The following ST6GALNAC4 variants were observed in gnomAD, a reference collection of about 807,000 sequenced individuals.
ST6GALNAC4 encodes the protein ST6 N-acetylgalactosaminide alpha-2,6-sialyltransferase 4.
In ST6GALNAC4, 24 loss-of-function variants were observed where a neutral mutation model predicts 30.4. The observed-to-expected ratio is 0.79, with a 90% CI of 0.57 to 1.11. The LOEUF (loss-of-function observed/expected upper bound fraction) is 1.11. Ranked by LOEUF, ST6GALNAC4 falls within the 50% of genes most tolerant of loss-of-function variation. ST6GALNAC4 has a pLI of 0.00. For synonymous variants in ST6GALNAC4, 156 were observed against 179.7 expected, an observed-to-expected ratio of 0.87 and a Z score of 1.05; for missense variants, 365 against 430.1, an observed-to-expected ratio of 0.85 and a Z score of 1.34.
At chr9:127,916,332 G>C (rs914168291) in intron 2 of ST6GALNAC4, 76 bp downstream of exon 2, 37 of 1,595,040 alleles carry the variant, frequency 2.3e-5, no homozygotes, top group Non-Finnish European at 2.9e-5. Flanking sequence ...GTGGGTCCTG[G>C]GGTGGAGAGG....
At chr9:127,910,616 A>C (rs1049988448) in intron 4 of ST6GALNAC4, 1 of 989,166 alleles carries the variant, frequency 1.0e-6, no homozygotes, top group Non-Finnish European at 1.2e-6. Flanking sequence ...CCCCACTCAG[A>C]GCAAGGGGCT....
chr9:127,909,331 G>T (rs963523830), intron 5 of ST6GALNAC4, among the ~76,000 whole-genome samples: 1 of 151,290 alleles, frequency 6.6e-6, no homozygotes, highest in East Asian at 1.9e-4. Flanking sequence ...GGAGGTTGCA[G>T]TGAGCCAAGA....
intron 4 of ST6GALNAC4, 61 bp from the exon 5 acceptor site, chr9:127,910,119 C>A: frequency 1.9e-6 from 3 of 1,588,566 alleles, no homozygotes; most frequent in Non-Finnish European, 2.6e-6. Context: ...TAGCTCCAGG[C>A]CCCAGCAGCA....
At chr9:127,908,741 G>A (rs565737020) in intron 5 of ST6GALNAC4, among the ~76,000 whole-genome samples, 160 bp from the exon 6 acceptor site, 23 of 151,694 alleles carry the variant, frequency 1.5e-4, no homozygotes, top group Admixed American at 5.2e-4. Flanking sequence ...AGCAGATCCC[G>A]AGAGCCAGGG....
chr9:127,912,717 T>C (rs1484049569), intron 3 of ST6GALNAC4, 37 bp from the exon 4 acceptor site: 1 of 1,514,924 alleles, frequency 6.6e-7, no homozygotes, highest in Admixed American at 2.0e-5. Context: ...CAGAGAGGCA[T>C]GAACACGCAG....
rs748446024 is a variant in ST6GALNAC4, at chr9:127,914,675, C to CTA, written c.177_178dup (p.Ser60IlefsTer45). ...ACTCACCTTCCCATCTGGCACACTG[C>CTA]TATATCCACTGAAGTGCAGGGGTCC... On this transcript the variant is annotated frameshift_variant, in exon 3 of 6. Transcript: ENST00000335791. LOFTEE classifies it high-confidence loss of function. 1 of 1,612,904 alleles carries CTA rather than the reference C, an allele frequency of 6.2e-7. No homozygotes were observed. The highest frequency in any genetic ancestry group is 1.3e-5 in the African/African-American group (1 of 74,910).
intron 2 of ST6GALNAC4, chr9:127,916,184 G>C: frequency 1.6e-6 from 1 of 611,234 alleles, no homozygotes. Context: ...CGTTACCTCC[G>C]TTTTACAGGG....
intron 4 of ST6GALNAC4, among the ~76,000 whole-genome samples, chr9:127,911,815 G>A (rs1018730336): frequency 1.3e-5 from 2 of 152,134 alleles, no homozygotes; most frequent in African/African-American, 4.8e-5. Flanking sequence ...AGAGCCCAAG[G>A]TTTCACCATG....
rs1289626191 is a variant in ST6GALNAC4 at position 127,914,777 on chromosome 9, C to G, written c.77G>C (p.Cys26Ser). 2 of 1,602,976 alleles carry G rather than the reference C, an allele frequency of 1.2e-6. 1 individual carries two copies. Among genetic ancestry groups the G allele is most frequent in the Admixed American group, 3.4e-5 (2 of 58,624 alleles). ...CAGGCAGAGGGGCAGGCCGGCCCAG[C>G]AGCACAGGAGGATGTAGACGGCAGA... ...VFSAVYILLC[C>S]WAGLPLCLAT... Residue 26 changes from cysteine (C) to serine (S), a missense_variant, in exon 3 of 6, where the codon TGC (cysteine) becomes TCC (serine). By Grantham distance (112) the Cys-to-Ser change is moderately radical. Coordinates refer to ENST00000335791, the MANE Select transcript of ST6GALNAC4 (RefSeq NM_175039.4).
chr9:127,913,552 TC>T lies in ST6GALNAC4; in HGVS notation c.199-873del, dbSNP rs1442692100. ...GTGAGCCGAGATTGCGCCACTGTAC[TC>T]CAGCCTGTTGACAGAGTGAGCTCTT... On this transcript the variant is annotated intron_variant, in intron 3 of 5. Transcript: ENST00000335791. 2.0e-5 allele frequency among the ~76,000 whole-genome samples: 3 copies of T among 152,086 alleles called. No individual in the cohort carries two copies. In the East Asian group the frequency reaches 5.8e-4, roughly 29 times the overall value.
chr9:127,914,900 T>A (rs1831162701), intron 2 of ST6GALNAC4, 59 bp from the exon 3 acceptor site: 25 of 1,393,828 alleles, frequency 1.8e-5, no homozygotes, highest in Non-Finnish European at 2.4e-5. Context: ...AGAAGCCCCT[T>A]CAGCGCTGCA....
intron 4 of ST6GALNAC4, among the ~76,000 whole-genome samples, chr9:127,912,049 G>C (rs1313223084): frequency 1.3e-5 from 2 of 152,206 alleles, no homozygotes; most frequent in African/African-American, 2.4e-5. Context: ...CAAAAGGCCT[G>C]ACAGCCCTCA....
chr9:127,916,275 G>A, intron 2 of ST6GALNAC4, 133 bp downstream of exon 2: 1 of 1,241,676 alleles, frequency 8.1e-7, no homozygotes, highest in Non-Finnish European at 1.2e-6. Flanking sequence ...GGACTTTGAG[G>A]CCATTCTGCC....
At chr9:127,916,519 C>T (rs1831198250) in intron 1 of ST6GALNAC4, 25 bp from the exon 2 acceptor site, 1 of 1,454,180 alleles carries the variant, frequency 6.9e-7, no homozygotes, top group South Asian at 1.1e-5. Context: ...AAACTCAGAG[C>T]CGGGAGGGGT....
At chr9:127,915,276 G>C (rs1237337278) in intron 2 of ST6GALNAC4, among the ~76,000 whole-genome samples, 2 of 152,150 alleles carry the variant, frequency 1.3e-5, no homozygotes, top group Non-Finnish European at 2.9e-5. Context: ...CTTACGGGAG[G>C]GGGGCAGTGA....
At chr9:127,913,144 G>A (rs1039568918) in intron 3 of ST6GALNAC4, among the ~76,000 whole-genome samples, 1 of 152,230 alleles carries the variant, frequency 6.6e-6, no homozygotes, top group Non-Finnish European at 1.5e-5. Flanking sequence ...TTCTAAGTAA[G>A]AGCAGGGTCA....
chr9:127,908,444 C>G lies in ST6GALNAC4; in HGVS notation c.857G>C (p.Trp286Ser). The change falls in exon 6 of 6, where the codon TGG (tryptophan) becomes TCG (serine). Residue 286 changes from tryptophan to serine, a missense_variant. Physicochemically the swap from Trp to Ser is radical, Grantham distance 177. Transcript: ENST00000335791. The part of the protein sequence containing the change: ...FITEKAVFSR[W>S]AKKRPIVFAH... The stretch of plus-strand genomic sequence containing the variant: ...GAACACGATGGGCCTCTTCTTGGCC[C>G]AGCGGGAGAAGACCGCCTTCTCAGT... 6.2e-7 allele frequency: 1 copy of G among 1,601,804 alleles called. No individual in the cohort carries two copies. The highest frequency in any genetic ancestry group is 8.5e-7 in the Non-Finnish European group (1 of 1,171,060).
chr9:127,910,662 C>A (rs1252141082), intron 4 of ST6GALNAC4: 63 of 963,654 alleles, frequency 6.5e-5, no homozygotes, highest in Non-Finnish European at 7.8e-5. Flanking sequence ...CTGGAGGCAG[C>A]AGCCCTGGGT....
At chr9:127,914,372 A>C (rs1157230400) in intron 3 of ST6GALNAC4, among the ~76,000 whole-genome samples, 2 of 147,040 alleles carry the variant, frequency 1.4e-5, no homozygotes, top group Non-Finnish European at 3.0e-5. Context: ...CAGCCTGGGC[A>C]ACAAGAGCAA....
Sources: gnomAD v4.1 joint callset for allele counts (sites outside exome capture counted in the v4.1 genomes callset) on GRCh38, gnomAD v4.1.1 for gene constraint, MANE v1.5 for transcripts, NCBI Gene and HGNC (gene_info 2026-07-23, HGNC 2026-07-21) for gene names.